TSC2: variants seen among roughly 807,000 people sequenced by gnomAD.
The protein encoded by TSC2 is TSC complex subunit 2.
In TSC2, 29 loss-of-function variants were observed where a neutral mutation model predicts 202.2. The observed-to-expected ratio is 0.14, with a 90% CI of 0.11 to 0.20. The LOEUF (loss-of-function observed/expected upper bound fraction) is 0.20, where lower values mean the gene tolerates loss of function less well. Among genes scored for constraint, TSC2 ranks in the 10% least tolerant of loss-of-function variants. The pLI is 1.00. For missense variants in TSC2, 2,429 were observed against 2,420.0 expected (o/e 1.00, Z -0.08); for synonymous variants, 1,349 against 1,044.0 (o/e 1.29, Z -5.63).
At chr16:2,062,651 C>CT (rs1229900218) in intron 13 of TSC2, 51 bp downstream of exon 13, 1 of 1,529,718 alleles carries the variant, frequency 6.5e-7, no homozygotes, top group Admixed American at 1.9e-5. Flanking sequence ...GGCCCTGTCT[C>CT]TGTCTGGGGC....
Position 2,088,955 on chromosome 16 carries a change from A to C in TSC2, c.*345A>C. 4 of 315,896 alleles carry C rather than the reference A, an allele frequency of 1.3e-5. No homozygotes were observed. The highest frequency in any genetic ancestry group is 1.3e-4 in the East Asian group (2 of 15,734). 19.6% of individuals were successfully genotyped at this position (315,896 alleles called of 1,614,324 possible). A position where few individuals can be genotyped will look rare whatever the true frequency, so the allele number is the denominator to read the frequency against. Reference sequence around the variant, plus strand: ...CCAGGAGGAGTCTTTTCCTCTAACCACCCTGGGGTCCTCTGACATGCCTAG... The same window carrying C: ...CCAGGAGGAGTCTTTTCCTCTAACCCCCCTGGGGTCCTCTGACATGCCTAG... On this transcript the variant is annotated 3_prime_UTR_variant, in exon 42 of 42. Transcript: ENST00000219476.
chr16:2,088,642 G>A lies in TSC2; in HGVS notation c.*32G>A, dbSNP rs776701245. 1.3e-6 allele frequency: 2 copies of A among 1,588,386 alleles called. No homozygotes were observed. The highest frequency in any genetic ancestry group is 4.5e-5 in the East Asian group (2 of 44,032). ...GGCCCTCCCTCCTGCACTGGCCTTG[G>A]ACGGTATTGCCTGTCAGTGAAATAA... On this transcript the variant is annotated 3_prime_UTR_variant, in exon 42 of 42. Coordinates refer to ENST00000219476, the MANE Select transcript of TSC2 (RefSeq NM_000548.5).
intron 38 of TSC2, among the ~76,000 whole-genome samples, chr16:2,087,490 G>C (rs865952591): frequency 5.3e-5 from 8 of 151,760 alleles, no homozygotes; most frequent in South Asian, 4.2e-4. Flanking sequence ...CCAGTTGGGG[G>C]GGGGGGGGCA....
intron 31 of TSC2, chr16:2,082,047 C>T: frequency 1.6e-6 from 1 of 624,598 alleles, no homozygotes; most frequent in Non-Finnish European, 2.8e-6. Context: ...GCCCAGCATC[C>T]TCCGTGGGGA....
chr16:2,071,673 T>C (rs2151301007), intron 18 of TSC2, 57 bp downstream of exon 18: 1 of 1,607,680 alleles, frequency 6.2e-7, no homozygotes, highest in Non-Finnish European at 8.5e-7. Context: ...GCGCTGGGGC[T>C]GTGGTGGCGC....
chr16:2,061,438 G>T (rs1397558905), intron 11 of TSC2: 1 of 337,304 alleles, frequency 3.0e-6, no homozygotes, highest in Non-Finnish European at 5.8e-6. Context: ...AGTGGCAGAG[G>T]TCATAGCCTG....
intron 30 of TSC2, chr16:2,080,650 A>T (rs781598758): frequency 4.5e-6 from 2 of 448,438 alleles, no homozygotes; most frequent in Non-Finnish European, 8.3e-6. Context: ...CGCCTGGCCA[A>T]TTTTTTTGTA....
intron 14 of TSC2, chr16:2,063,447 C>A: frequency 2.9e-6 from 1 of 348,964 alleles, no homozygotes; most frequent in Non-Finnish European, 5.5e-6. Context: ...TGCCTGGTCT[C>A]TCCTCTGCGG....
intron 12 of TSC2, among the ~76,000 whole-genome samples, chr16:2,062,231 G>A (rs1339686695): frequency 6.6e-6 from 1 of 152,256 alleles, no homozygotes; most frequent in Non-Finnish European, 1.5e-5. Flanking sequence ...TGTGGAGCAA[G>A]CTTCCATCCG....
chr16:2,071,860 G>T lies in TSC2; in HGVS notation c.2023G>T (p.Ala675Ser), dbSNP rs764840082. ...CACAGGGCCTCCTGGCCCGGCGCCTGCAGGCCCCGCCGTGCGGCTGGGGTC... is the reference window on the plus strand; with the variant it reads ...CACAGGGCCTCCTGGCCCGGCGCCTTCAGGCCCCGCCGTGCGGCTGGGGTC... ...PPTGPPGPAPAGPAVRLGSVP... is the reference protein window; with the variant it reads ...PPTGPPGPAPSGPAVRLGSVP... Residue 675 changes from alanine to serine, a missense_variant, in exon 19 of 42, where the codon GCA becomes TCA. Ala to Ser is a moderately conservative substitution (Grantham distance 99). Coordinates refer to ENST00000219476, the MANE Select transcript of TSC2 (RefSeq NM_000548.5). 12 of 1,535,196 alleles carry T rather than the reference G, an allele frequency of 7.8e-6. No homozygotes were observed. Among genetic ancestry groups the T allele is most frequent in the Non-Finnish European group, 9.6e-6 (11 of 1,143,264 alleles).
intron 7 of TSC2, 124 bp from the exon 8 acceptor site, chr16:2,056,520 G>T: frequency 7.7e-6 from 11 of 1,427,006 alleles, no homozygotes; most frequent in Non-Finnish European, 1.0e-5. Flanking sequence ...TTGGAGAGAG[G>T]GTGCCATGGC....
chr16:2,070,438 T>C lies in TSC2; in HGVS notation c.1717-18T>C, dbSNP rs2088110659. The stretch of plus-strand genomic sequence containing the variant: ...TTTCACCTCCTGCGCCGTGGTGAGC[T>C]GCGTCCTCTCTCTGCAGACCAAGCT... On this transcript the variant is annotated intron_variant, in intron 16 of 41. Transcript: ENST00000219476. 2 of 1,613,190 alleles carry C rather than the reference T, an allele frequency of 1.2e-6. No homozygotes were observed. The highest frequency in any genetic ancestry group is 1.7e-5 in the Admixed American group (1 of 60,004).
intron 3 of TSC2, 91 bp downstream of exon 3, chr16:2,050,577 C>T: frequency 1.0e-6 from 1 of 984,390 alleles, no homozygotes; most frequent in Non-Finnish European, 1.6e-6. Flanking sequence ...TGACAGCTGA[C>T]TGCCGATGAT....
At chr16:2,060,250 G>C (rs953969940) in intron 10 of TSC2, among the ~76,000 whole-genome samples, 16 of 152,210 alleles carry the variant, frequency 1.1e-4, no homozygotes, top group Admixed American at 7.2e-4. Context: ...TGGTTTTATA[G>C]TGATGAGCTG....
Position 2,084,275 on chromosome 16 carries a change from G to T in TSC2, c.4053G>T (p.Glu1351Asp). The T allele has an allele frequency of 3.1e-6, 5 of 1,611,012 alleles. No homozygotes were observed. Among genetic ancestry groups the T allele is most frequent in the Non-Finnish European group, 4.2e-6 (5 of 1,179,170 alleles). The change falls in exon 34 of 42, where the codon GAG becomes GAT. Residue 1351 changes from glutamate (E) to aspartate (D), a missense_variant. By Grantham distance (45) the Glu-to-Asp change is conservative. Transcript: ENST00000219476. Reference sequence around the variant, plus strand: ...AGGAGAAGTCGCTCCACGCGGAGGAGCTGGTTGGCAGGGGCATCCCCATCG... The same window carrying T: ...AGGAGAAGTCGCTCCACGCGGAGGATCTGGTTGGCAGGGGCATCCCCATCG... ...SQEEKSLHAE[E>D]LVGRGIPIER...
Position 2,076,805 on chromosome 16 carries a change from C to T in TSC2, c.2837+220C>T, listed in dbSNP as rs74002770. ...GTCCGGGCTGCGTGTGCCACGGGCACCTACTTGTGGAATTGGGGGTTGGGG... is the reference window on the plus strand; with the variant it reads ...GTCCGGGCTGCGTGTGCCACGGGCATCTACTTGTGGAATTGGGGGTTGGGG... On this transcript the variant is annotated intron_variant, in intron 25 of 41. Transcript: ENST00000219476. 0.011 allele frequency: 6,087 copies of T among 578,284 alleles called. 283 individuals carry two copies. Among genetic ancestry groups the T allele is most frequent in the African/African-American group, 0.098 (5,241 of 53,324 alleles). The allele number at this position is 578,284 out of a possible 1,614,324, so 35.8% of individuals were successfully genotyped here.
chr16:2,089,290 G>C lies in TSC2; in HGVS notation c.*680G>C, dbSNP rs912603398. On this transcript the variant is annotated 3_prime_UTR_variant, in exon 42 of 42. Transcript: ENST00000219476. The stretch of plus-strand genomic sequence containing the variant: ...AACACCATATAAATTACTGACACGA[G>C]ACACACAGTGAGACGGTGCAGGGAG... The C allele has an allele frequency of 5.8e-5, 13 of 222,690 alleles. No homozygotes were observed. The highest frequency in any genetic ancestry group is 9.7e-5 in the Non-Finnish European group (11 of 112,942). 13.8% of individuals were successfully genotyped at this position (222,690 alleles called of 1,614,324 possible). A position where few individuals can be genotyped will look rare whatever the true frequency, so the allele number is the denominator to read the frequency against.
intron 2 of TSC2, among the ~76,000 whole-genome samples, chr16:2,050,101 G>A (rs1246224486): frequency 1.3e-5 from 2 of 151,432 alleles, no homozygotes; most frequent in Non-Finnish European, 2.9e-5. Flanking sequence ...GATTATAGAC[G>A]CCCACCACCA....
rs1057518103 is a variant in TSC2, at chr16:2,088,445, G to A, written c.5260-1G>A. ...ACTGCCCAAGCCGCCTCTGCCTTCAGATCTGCGAGGAAGCCGCCTACTCCA... is the reference window on the plus strand; with the variant it reads ...ACTGCCCAAGCCGCCTCTGCCTTCAAATCTGCGAGGAAGCCGCCTACTCCA... On this transcript the variant is annotated splice_acceptor_variant, in intron 41 of 41. Transcript: ENST00000219476. LOFTEE classifies it high-confidence loss of function. 2 of 1,612,794 alleles carry A rather than the reference G, an allele frequency of 1.2e-6. No individual in the cohort carries two copies. The highest frequency in any genetic ancestry group is 1.7e-6 in the Non-Finnish European group (2 of 1,180,024).
Sources: allele counts gnomAD v4.1 joint callset (sites outside exome capture counted in the v4.1 genomes callset), GRCh38; gene constraint gnomAD v4.1.1; transcripts MANE v1.5; gene names NCBI Gene and HGNC (gene_info 2026-07-23, HGNC 2026-07-21).